NAALADL2: variants seen among roughly 807,000 people sequenced by gnomAD.
NAALADL2 encodes the protein inactive N-acetylated-alpha-linked acidic dipeptidase-like protein 2.
Under a neutral mutation model 87.2 loss-of-function variants are expected in NAALADL2, and 76 were observed. That is an observed-to-expected ratio of 0.87 (90% CI 0.72 to 1.05). NAALADL2 has a LOEUF of 1.05. Ranked by LOEUF, NAALADL2 falls within the 50% of genes least tolerant of loss-of-function variation. The pLI, the probability that NAALADL2 is intolerant of heterozygous loss-of-function variation, is 0.00. For synonymous variants in NAALADL2, 354 were observed against 331.0 expected, an observed-to-expected ratio of 1.07 and a Z score of -0.75; for missense variants, 1,089 against 945.8, an observed-to-expected ratio of 1.15 and a Z score of -1.99.
At chr3:174,745,480 T>A (rs1193804204) in intron 3 of NAALADL2, among the ~76,000 whole-genome samples, 1 of 152,084 alleles carries the variant, frequency 6.6e-6, no homozygotes, top group African/African-American at 2.4e-5. Context: ...TGGGGCCAGA[T>A]GGATTTACAG....
chr3:175,021,403 G>C (rs1691330399), intron 1 of NAALADL2, among the ~76,000 whole-genome samples: 1 of 152,010 alleles, frequency 6.6e-6, no homozygotes, highest in Non-Finnish European at 1.5e-5. Context: ...CTAGTTATAT[G>C]CTCCCTCTGG....
intron 3 of NAALADL2, among the ~76,000 whole-genome samples, chr3:174,755,114 G>A (rs980761542): frequency 5.3e-5 from 8 of 152,222 alleles, no homozygotes; most frequent in East Asian, 1.9e-4. Context: ...TGCTGTTCTC[G>A]TAATAGTGAG....
At chr3:175,268,000 A>G (rs974960813) in intron 4 of NAALADL2, among the ~76,000 whole-genome samples, 12 of 152,202 alleles carry the variant, frequency 7.9e-5, no homozygotes, top group Non-Finnish European at 1.6e-4. Context: ...TAACCATGGT[A>G]AGGAACAGTT....
intron 1 of NAALADL2, among the ~76,000 whole-genome samples, chr3:174,860,184 A>G (rs532424785): frequency 6.6e-6 from 1 of 152,304 alleles, no homozygotes; most frequent in South Asian, 2.1e-4. Context: ...ATAGACTTCT[A>G]GAATACCATG....
chr3:175,346,629 G>A (rs1304177929), intron 5 of NAALADL2, among the ~76,000 whole-genome samples: 2 of 151,760 alleles, frequency 1.3e-5, no homozygotes, highest in African/African-American at 4.9e-5. Flanking sequence ...TTGGTTCAAT[G>A]ACCCCAAGAT....
At chr3:174,812,514 C>G (rs916761031) in intron 3 of NAALADL2, among the ~76,000 whole-genome samples, 4 of 152,104 alleles carry the variant, frequency 2.6e-5, no homozygotes, top group African/African-American at 7.2e-5. Context: ...ATATACTATA[C>G]TTTTTATTTT....
intron 11 of NAALADL2, among the ~76,000 whole-genome samples, chr3:175,681,428 C>A (rs1488118827): frequency 6.6e-6 from 1 of 152,006 alleles, no homozygotes; most frequent in Non-Finnish European, 1.5e-5. Flanking sequence ...TAGTTCAAAC[C>A]ACTGTTGTAC....
At chr3:175,222,118 C>T (rs1265047026) in intron 2 of NAALADL2, among the ~76,000 whole-genome samples, 1 of 152,004 alleles carries the variant, frequency 6.6e-6, no homozygotes, top group African/African-American at 2.4e-5. Context: ...ATGGCAAAGT[C>T]CAGAAAAATG....
intron 3 of NAALADL2, among the ~76,000 whole-genome samples, chr3:175,236,138 T>C (rs1428988314): frequency 6.6e-6 from 1 of 152,104 alleles, no homozygotes; most frequent in Non-Finnish European, 1.5e-5. Flanking sequence ...AAAATTAAAT[T>C]TCTATGACTC....
At chr3:175,546,648 T>C (rs1198619478) in intron 9 of NAALADL2, among the ~76,000 whole-genome samples, 1 of 152,126 alleles carries the variant, frequency 6.6e-6, no homozygotes. Context: ...TTATGAAGCT[T>C]AGTTTGGCCA....
At chr3:174,974,975 G>T (rs964176682) in intron 1 of NAALADL2, among the ~76,000 whole-genome samples, 3 of 151,970 alleles carry the variant, frequency 2.0e-5, no homozygotes, top group African/African-American at 7.3e-5. Flanking sequence ...CTAATTTGGG[G>T]AATTACAGAA....
chr3:174,768,905 A>G (rs1478233333), intron 3 of NAALADL2, among the ~76,000 whole-genome samples: 1 of 151,980 alleles, frequency 6.6e-6, no homozygotes, highest in Non-Finnish European at 1.5e-5. Flanking sequence ...TTCACAATTT[A>G]ATGCTATTAT....
intron 2 of NAALADL2, among the ~76,000 whole-genome samples, chr3:174,559,846 C>T (rs1713366803): frequency 6.6e-6 from 1 of 152,274 alleles, no homozygotes; most frequent in African/African-American, 2.4e-5. Flanking sequence ...ATTAAGATTT[C>T]AAGGAATGAA....
intron 1 of NAALADL2, among the ~76,000 whole-genome samples, chr3:174,545,028 A>T (rs909952175): frequency 6.6e-6 from 1 of 152,082 alleles, no homozygotes; most frequent in Non-Finnish European, 1.5e-5. Flanking sequence ...GGGATGCATC[A>T]TCATGCCTGA....
chr3:174,807,760 A>C (rs1719671688), intron 3 of NAALADL2, among the ~76,000 whole-genome samples: 1 of 152,100 alleles, frequency 6.6e-6, no homozygotes, highest in South Asian at 2.1e-4. Flanking sequence ...GTGTAATTTG[A>C]AACATCCATG....
rs552738252 is a variant in NAALADL2, at chr3:175,003,318, G to T, written c.44-93472G>T. On this transcript the variant is annotated intron_variant, in intron 1 of 13. Transcript: ENST00000454872. ...TAATCACTGGAGGCCAGGAGTTCGA[G>T]ACCTGCCTGAGTTGTGTGGTGAGAC... Among the ~76,000 whole-genome samples the T allele has an allele frequency of 2.6e-5, 4 of 152,238 alleles. No individual in the cohort carries two copies. The South Asian group carries it at 8.3e-4, about 32-fold the overall frequency.
In NAALADL2 at chr3:174,590,773, TTTG is replaced by T. The variant is rs372877438; in HGVS notation, c.-115+40149_-115+40151del. On this transcript the variant is annotated intron_variant, in intron 2 of 3. Coordinates refer to the NAALADL2 transcript ENST00000434257. The stretch of plus-strand genomic sequence containing the variant: ...CAGTACTAATCTCATAGTTCTTTAG[TTTG>T]TTGTTGTTGTTGGTATGAGGATTAA... Among the ~76,000 whole-genome samples, 59 of 152,206 alleles carry T rather than the reference TTTG, an allele frequency of 3.9e-4. No individual in the cohort carries two copies. In the South Asian group the frequency reaches 7.7e-3, roughly 20 times the overall value.
intron 10 of NAALADL2, among the ~76,000 whole-genome samples, chr3:175,616,054 TATG>T (rs959258159): frequency 9.6e-4 from 141 of 147,270 alleles, no homozygotes; most frequent in Non-Finnish European, 1.7e-3. Flanking sequence ...TTATATATAA[TATG>T]ATATATTTTA....
At chr3:174,666,879 G>T (rs1726002081) in intron 2 of NAALADL2, among the ~76,000 whole-genome samples, 1 of 151,932 alleles carries the variant, frequency 6.6e-6, no homozygotes, top group Admixed American at 6.6e-5. Flanking sequence ...TTCTCCTTTT[G>T]TTTCTATGAG....
Sources: allele counts gnomAD v4.1 joint callset (sites outside exome capture counted in the v4.1 genomes callset), GRCh38; gene constraint gnomAD v4.1.1; transcripts MANE v1.5; gene names NCBI Gene and HGNC (gene_info 2026-07-23, HGNC 2026-07-21).